Variants in SEL1L3 observed in about 807,000 individuals in gnomAD.
SEL1L3 encodes protein sel-1 homolog 3.
In SEL1L3, 76 loss-of-function variants were observed where a neutral mutation model predicts 142.8. The observed-to-expected ratio is 0.53, with a 90% CI of 0.44 to 0.64. The LOEUF (loss-of-function observed/expected upper bound fraction) is 0.64, where lower values mean the gene tolerates loss of function less well. Among genes scored for constraint, SEL1L3 ranks in the 30% least tolerant of loss-of-function variants. SEL1L3 has a pLI of 0.00. For synonymous variants in SEL1L3, 504 were observed against 519.6 expected, an observed-to-expected ratio of 0.97 and a Z score of 0.41; for missense variants, 1,262 against 1,381.7, an observed-to-expected ratio of 0.91 and a Z score of 1.37.
intron 1 of SEL1L3, among the ~76,000 whole-genome samples, chr4:25,852,322 A>G (rs1156511678): frequency 6.6e-6 from 1 of 152,186 alleles, no homozygotes; most frequent in Non-Finnish European, 1.5e-5. Context: ...TCCCCACGCC[A>G]TAGCAAATGA....
chr4:25,744,436 C>G, downstream of SEL1L3, among the ~76,000 whole-genome samples: 1 of 146,624 alleles, frequency 6.8e-6, no homozygotes, highest in Admixed American at 7.1e-5. Context: ...TCACCGCAAC[C>G]TCCACCTCCC....
chr4:25,763,086 C>T (rs1718488569), intron 20 of SEL1L3, among the ~76,000 whole-genome samples: 1 of 151,530 alleles, frequency 6.6e-6, no homozygotes, highest in Non-Finnish European at 1.5e-5. Context: ...AAACCCCTGC[C>T]ATAGAATTGT....
At chr4:25,798,576 C>T (rs934510556) in intron 11 of SEL1L3, among the ~76,000 whole-genome samples, 1 of 152,144 alleles carries the variant, frequency 6.6e-6, no homozygotes, top group Non-Finnish European at 1.5e-5. Context: ...ACCTGTAATC[C>T]CAGCACTTTG....
chr4:25,830,523 C>A (rs1715366580), intron 5 of SEL1L3, among the ~76,000 whole-genome samples: 1 of 152,172 alleles, frequency 6.6e-6, no homozygotes, highest in South Asian at 2.1e-4. Context: ...CTGATTCCAT[C>A]AGAGCCTTAG....
chr4:25,726,710 G>GT, the SEL1L3 span, among the ~76,000 whole-genome samples: 1 of 152,110 alleles, frequency 6.6e-6, no homozygotes, highest in Non-Finnish European at 1.5e-5. Context: ...TACCCTTTGG[G>GT]TGGTGAAATT....
chr4:25,804,804 G>A, intron 9 of SEL1L3, 52 bp from the exon 10 acceptor site: 1 of 1,353,988 alleles, frequency 7.4e-7, no homozygotes. Flanking sequence ...TGGGATCGAT[G>A]TGGCTTTAGA....
intron 21 of SEL1L3, among the ~76,000 whole-genome samples, chr4:25,758,466 G>C (rs1195750414): frequency 6.6e-6 from 1 of 152,152 alleles, no homozygotes; most frequent in Non-Finnish European, 1.5e-5. Context: ...GCAAGGCCCT[G>C]TCTCAAAATA....
In SEL1L3 at chr4:25,798,076, A is replaced by G. The variant is rs998555373; in HGVS notation, c.1956+4207T>C. Among the ~76,000 whole-genome samples the G allele has an allele frequency of 3.3e-5, 5 of 152,182 alleles. No individual in the cohort carries two copies. The South Asian group carries it at 8.3e-4, about 25-fold the overall frequency. Reference sequence around the variant, plus strand: ...GAGGTGGGAACAGCCAGGCCTGGCCAAAAGTTTGGTGTTGCGAGTTTGGTT... The same window carrying G: ...GAGGTGGGAACAGCCAGGCCTGGCCGAAAGTTTGGTGTTGCGAGTTTGGTT... On this transcript the variant is annotated intron_variant, in intron 11 of 23. Coordinates refer to ENST00000399878, the MANE Select transcript of SEL1L3 (RefSeq NM_015187.5).
intron 9 of SEL1L3, 142 bp from the exon 10 acceptor site, chr4:25,804,894 G>C: frequency 1.5e-6 from 1 of 657,006 alleles, no homozygotes; most frequent in Non-Finnish European, 2.7e-6. Flanking sequence ...CCACCTTCCA[G>C]GGAGGTAAAT....
intron 3 of SEL1L3, among the ~76,000 whole-genome samples, 171 bp from the exon 4 acceptor site, chr4:25,833,740 G>A (rs1715594241): frequency 6.6e-6 from 1 of 152,184 alleles, no homozygotes; most frequent in Admixed American, 6.5e-5. Context: ...AACAAAGGAG[G>A]TAGTTAAAGT....
At chr4:25,729,669 G>A in the SEL1L3 span, among the ~76,000 whole-genome samples, 4 of 152,146 alleles carry the variant, frequency 2.6e-5, no homozygotes, top group African/African-American at 7.2e-5. Flanking sequence ...AGCCGAGATC[G>A]CGGCACTGCA....
intron 21 of SEL1L3, among the ~76,000 whole-genome samples, chr4:25,758,419 T>C (rs1446576686): frequency 2.6e-5 from 4 of 152,168 alleles, no homozygotes; most frequent in Admixed American, 6.5e-5. Context: ...TGCAGTGAGC[T>C]GAGATCGCAC....
At chr4:25,835,023 C>A (rs1164534927) in intron 3 of SEL1L3, among the ~76,000 whole-genome samples, 174 bp downstream of exon 3, 3 of 152,134 alleles carry the variant, frequency 2.0e-5, no homozygotes, top group Non-Finnish European at 2.9e-5. Flanking sequence ...ATTCAAGACT[C>A]ATTTGAGGTT....
chr4:25,818,274 G>A lies in SEL1L3; in HGVS notation c.1428C>T (p.His476=), dbSNP rs1714528928. ...KHGGERQEAC[H]LHNSYLDLQR... is the part of the protein sequence containing the mutation. Reference sequence around the variant, plus strand: ...GGAGGTCCAGGTAGGAGTTGTGGAGGTGGCCTACACAGAAGAGGGAGCAGA... The same window carrying A: ...GGAGGTCCAGGTAGGAGTTGTGGAGATGGCCTACACAGAAGAGGGAGCAGA... Residue 476 remains histidine (H), a synonymous_variant, in exon 9 of 24, where the codon CAC becomes CAT. Transcript: ENST00000399878. 6.3e-7 allele frequency: 1 copy of A among 1,598,926 alleles called. No homozygotes were observed. The highest frequency in any genetic ancestry group is 8.5e-7 in the Non-Finnish European group (1 of 1,172,676).
At chr4:25,823,424 G>T (rs1337201186) in intron 6 of SEL1L3, among the ~76,000 whole-genome samples, 2 of 152,140 alleles carry the variant, frequency 1.3e-5, no homozygotes, top group Non-Finnish European at 2.9e-5. Flanking sequence ...TAATACAGGA[G>T]AATTGCTCAA....
At chr4:25,772,361 AAT>A (rs1278641709) in intron 17 of SEL1L3, among the ~76,000 whole-genome samples, 21 of 152,124 alleles carry the variant, frequency 1.4e-4, no homozygotes, top group African/African-American at 4.8e-4. Flanking sequence ...GATATGGAGA[AAT>A]AGAAATTTAT....
chr4:25,821,390 C>T (rs185895753), intron 7 of SEL1L3, among the ~76,000 whole-genome samples: 4 of 152,288 alleles, frequency 2.6e-5, no homozygotes, highest in Admixed American at 1.3e-4. Flanking sequence ...CCTGAAGGCT[C>T]CCTCATAGGG....
At chr4:25,808,277 T>C (rs887997225) in intron 9 of SEL1L3, among the ~76,000 whole-genome samples, 2 of 152,232 alleles carry the variant, frequency 1.3e-5, no homozygotes, top group African/African-American at 4.8e-5. Context: ...ATTTTCTTTC[T>C]TTCAGCGCCC....
chr4:25,845,528 G>A (rs1339882864), intron 2 of SEL1L3, among the ~76,000 whole-genome samples: 1 of 152,144 alleles, frequency 6.6e-6, no homozygotes, highest in Non-Finnish European at 1.5e-5. Flanking sequence ...AATATCAAAT[G>A]TGCCAGTTCT....
Sources: gnomAD v4.1 joint callset for allele counts (sites outside exome capture counted in the v4.1 genomes callset) on GRCh38, gnomAD v4.1.1 for gene constraint, MANE v1.5 for transcripts, NCBI Gene and HGNC (gene_info 2026-07-23, HGNC 2026-07-21) for gene names.